Variants in AFF4 observed in about 807,000 individuals in gnomAD.
AFF4 encodes the protein ALF transcription elongation factor 4.
In AFF4, 13 loss-of-function variants were observed where a neutral mutation model predicts 124.8. That is an observed-to-expected ratio of 0.10 (90% CI 0.07 to 0.17). AFF4 has a LOEUF of 0.17. AFF4 is among the 10% of genes least tolerant of loss of function. The pLI is 1.00. For missense variants in AFF4, 1,092 were observed against 1,403.8 expected, an observed-to-expected ratio of 0.78 and a Z score of 3.55; for synonymous variants, 477 against 496.1, an observed-to-expected ratio of 0.96 and a Z score of 0.51.
rs1390503234 is a variant in AFF4 at position 132,880,730 on chromosome 5, CT to C, written c.*328del. The C allele has an allele frequency of 3.5e-6, 1 of 289,560 alleles. No individual in the cohort carries two copies. The highest frequency in any genetic ancestry group is 2.1e-5 in the African/African-American group (1 of 46,818). 17.9% of individuals were successfully genotyped at this position (289,560 alleles called of 1,614,324 possible). On this transcript the variant is annotated 3_prime_UTR_variant, in exon 21 of 21. Transcript: ENST00000265343. ...AACTAAGTCTTAAACTAGCCCCAAT[CT>C]GGGAACTTAAAAAAATTAAAATAAA...
At position 132,887,998 on chromosome 5, in the gene AFF4, T is replaced by C. The variant is rs771288730; in HGVS notation, c.2797-16A>G. On this transcript the variant is annotated splice_polypyrimidine_tract_variant and intron_variant, in intron 15 of 20. Transcript: ENST00000265343. ...ACCTATCAGACTGAAGAAAGGAGAA[T>C]GCAAGTAATGAGTAATGATCTACTA... 7 of 1,612,524 alleles carry C rather than the reference T, an allele frequency of 4.3e-6. No individual in the cohort carries two copies. Among genetic ancestry groups the C allele is most frequent in the Non-Finnish European group, 5.9e-6 (7 of 1,179,428 alleles).
At chr5:132,940,330 C>T (rs1040043279) in intron 1 of AFF4, among the ~76,000 whole-genome samples, 1 of 151,832 alleles carries the variant, frequency 6.6e-6, no homozygotes, top group Non-Finnish European at 1.5e-5. Flanking sequence ...AACCCCATCT[C>T]TACTAAAAAT....
At position 132,911,793 on chromosome 5, in the gene AFF4, G is replaced by A. The variant is rs573537330; in HGVS notation, c.1051-7389C>T. On this transcript the variant is annotated intron_variant, in intron 5 of 20. Transcript: ENST00000265343. ...AAGATAAAGAGAACTACAGGAGAACGTATCATAACTGAACAGATTAAAAGC... is the reference window on the plus strand; with the variant it reads ...AAGATAAAGAGAACTACAGGAGAACATATCATAACTGAACAGATTAAAAGC... Among the ~76,000 whole-genome samples, 22 of 148,306 alleles carry A rather than the reference G, an allele frequency of 1.5e-4. 1 individual carries two copies. In the South Asian group the frequency reaches 4.5e-3, roughly 30 times the overall value.
intron 11 of AFF4, among the ~76,000 whole-genome samples, chr5:132,894,956 A>C (rs538125381): frequency 6.6e-6 from 1 of 152,298 alleles, no homozygotes; most frequent in East Asian, 1.9e-4. Flanking sequence ...TGTCTCTAAA[A>C]GTAAGAAAAA....
intron 9 of AFF4, 81 bp from the exon 10 acceptor site, chr5:132,898,473 T>A (rs1437758445): frequency 2.8e-6 from 4 of 1,416,718 alleles, no homozygotes; most frequent in Non-Finnish European, 3.8e-6. Context: ...CAACCAACTT[T>A]CTTTTTTTCT....
intron 13 of AFF4, among the ~76,000 whole-genome samples, chr5:132,889,634 T>G (rs1262625488): frequency 6.6e-6 from 1 of 152,242 alleles, no homozygotes; most frequent in Non-Finnish European, 1.5e-5. Context: ...AAATAAGTAC[T>G]GCTATTAAGA....
chr5:132,934,999 T>G (rs1029397835), intron 2 of AFF4, 58 bp from the exon 3 acceptor site: 19 of 1,364,026 alleles, frequency 1.4e-5, no homozygotes, highest in Non-Finnish European at 1.7e-5. Flanking sequence ...AAATAAAATA[T>G]AATTCTGAAC....
At chr5:132,922,956 T>G (rs1761084218) in intron 5 of AFF4, among the ~76,000 whole-genome samples, 1 of 150,624 alleles carries the variant, frequency 6.6e-6, no homozygotes, top group Non-Finnish European at 1.5e-5. Flanking sequence ...GTGGGCAGAT[T>G]AGGAGGTAAG....
intron 12 of AFF4, among the ~76,000 whole-genome samples, chr5:132,892,710 GTT>G (rs1344635410): frequency 6.6e-6 from 1 of 152,124 alleles, no homozygotes; most frequent in Non-Finnish European, 1.5e-5. Context: ...CCACTTTTAA[GTT>G]GGCAACCAGT....
intron 2 of AFF4, among the ~76,000 whole-genome samples, chr5:132,936,217 A>C (rs551205777): frequency 7.1e-6 from 1 of 141,230 alleles, no homozygotes; most frequent in Admixed American, 7.7e-5. Context: ...CAGTGAGCCC[A>C]GATCGCGCCA....
At position 132,926,351 on chromosome 5, in the gene AFF4, A is replaced by T. The variant is rs545175611; in HGVS notation, c.1050+770T>A. 15 of 272,140 alleles carry T rather than the reference A, an allele frequency of 5.5e-5. No individual in the cohort carries two copies. The South Asian group carries it at 6.4e-4, about 12-fold the overall frequency. 16.9% of individuals were successfully genotyped at this position (272,140 alleles called of 1,614,324 possible). ...TAAGTGTAAATTAATACTGTTAAGT[A>T]TAAGTTTAAAAAAAAGTCAATCTGC... On this transcript the variant is annotated intron_variant, in intron 5 of 20. Transcript: ENST00000265343.
At chr5:132,948,495 T>A (rs923955461) in intron 1 of AFF4, 1 of 152,846 alleles carries the variant, frequency 6.5e-6, no homozygotes, top group Non-Finnish European at 1.5e-5. Flanking sequence ...CACAGCGTTA[T>A]CATGGCCTCA....
At chr5:132,954,546 CTTTTTTTTT>C (rs1204231856) in intron 1 of AFF4, among the ~76,000 whole-genome samples, 1 of 122,146 alleles carries the variant, frequency 8.2e-6, no homozygotes, top group African/African-American at 3.1e-5. Context: ...AAACAATGCT[CTTTTTTTTT>C]TTTTTTTTTT....
At chr5:132,920,678 A>G (rs1020661338) in intron 5 of AFF4, among the ~76,000 whole-genome samples, 1 of 152,124 alleles carries the variant, frequency 6.6e-6, no homozygotes, top group African/African-American at 2.4e-5. Flanking sequence ...ATAGACACCA[A>G]AATCATGACC....
chr5:132,955,443 C>T (rs889727663), intron 1 of AFF4, among the ~76,000 whole-genome samples: 15 of 152,106 alleles, frequency 9.9e-5, no homozygotes, highest in African/African-American at 2.9e-4. Flanking sequence ...AAAGCTCAGA[C>T]GGTAATGCTC....
intron 1 of AFF4, among the ~76,000 whole-genome samples, chr5:132,952,534 C>T (rs1301893219): frequency 4.6e-5 from 7 of 152,174 alleles, no homozygotes; most frequent in Non-Finnish European, 1.0e-4. Context: ...GGTGCTCCAC[C>T]GTGCTCAGAC....
chr5:132,918,793 G>A (rs1161033524), intron 5 of AFF4, among the ~76,000 whole-genome samples: 1 of 151,946 alleles, frequency 6.6e-6, no homozygotes, highest in African/African-American at 2.4e-5. Context: ...TTGCTAAGAC[G>A]TCAATTCTCC....
At chr5:132,900,837 A>G (rs932457131) in intron 7 of AFF4, 1 of 973,060 alleles carries the variant, frequency 1.0e-6, no homozygotes, top group Non-Finnish European at 1.2e-6. Context: ...CAACTAGGAA[A>G]ATGTCTAATT....
At position 132,898,396 on chromosome 5, in the gene AFF4, A is replaced by G. The variant is rs1760464467; in HGVS notation, c.1227-4T>C. 6.2e-7 allele frequency: 1 copy of G among 1,612,014 alleles called. No homozygotes were observed. The highest frequency in any genetic ancestry group is 1.1e-5 in the South Asian group (1 of 90,642). ...ATGGTGTGAAGGTTCAGAGTTACTAAAAGAGATGAAATATACAAATGTCCA... is the reference window on the plus strand; with the variant it reads ...ATGGTGTGAAGGTTCAGAGTTACTAGAAGAGATGAAATATACAAATGTCCA... On this transcript the variant is annotated splice_polypyrimidine_tract_variant and splice_region_variant and intron_variant, in intron 9 of 20. Coordinates refer to ENST00000265343, the MANE Select transcript of AFF4 (RefSeq NM_014423.4).
Sources: allele counts gnomAD v4.1 joint callset (sites outside exome capture counted in the v4.1 genomes callset), GRCh38; gene constraint gnomAD v4.1.1; transcripts MANE v1.5; gene names NCBI Gene and HGNC (gene_info 2026-07-23, HGNC 2026-07-21).